The following RIMS1 variants were observed in gnomAD, a reference collection of about 807,000 sequenced individuals.
The protein encoded by RIMS1 is regulating synaptic membrane exocytosis protein 1.
A neutral mutation model predicts 214.1 loss-of-function variants in RIMS1; 83 were observed. The observed-to-expected ratio is 0.39, with a 90% CI of 0.32 to 0.47. The LOEUF (loss-of-function observed/expected upper bound fraction) is 0.47, where lower values mean the gene tolerates loss of function less well. Ranked by LOEUF, RIMS1 falls within the 20% of genes least tolerant of loss-of-function variation. The probability of loss-of-function intolerance (pLI) is 0.99; values close to 1 mark genes in which losing one functional copy is unlikely to be tolerated. For synonymous variants in RIMS1, 793 were observed against 786.8 expected, an observed-to-expected ratio of 1.01 and a Z score of -0.13; for missense variants, 2,050 against 2,161.8, an observed-to-expected ratio of 0.95 and a Z score of 1.03.
rs6924803 is a variant in RIMS1 at position 71,912,025 on chromosome 6, T to C, written c.164+24838T>C. ...CAGTATCAAAAACAATGTTCTGAAA[T>C]TTTTACTGCTTTTCTGTGGATATAA... On this transcript the variant is annotated intron_variant, in intron 1 of 33. Transcript: ENST00000521978. Among the ~76,000 whole-genome samples, 474 of 152,282 alleles carry C rather than the reference T, an allele frequency of 3.1e-3. 2 individuals are homozygous for C. The highest frequency in any genetic ancestry group is 0.011 in the African/African-American group (449 of 41,586).
rs977165488 is a variant in RIMS1, at chr6:72,360,470, G to GT, written c.4366+26637dup. ...AATGCCAAAGGGTCTACAGTACACT[G>GT]TTATTCAATGGATAAATCTATCATT... On this transcript the variant is annotated intron_variant, in intron 29 of 33. Transcript: ENST00000521978. Among the ~76,000 whole-genome samples the GT allele has an allele frequency of 3.9e-5, 6 of 152,204 alleles. No individual in the cohort carries two copies. The South Asian group carries it at 8.3e-4, about 21-fold the overall frequency.
At chr6:72,386,807 C>T (rs1363842626) in intron 29 of RIMS1, among the ~76,000 whole-genome samples, 1 of 146,026 alleles carries the variant, frequency 6.8e-6, no homozygotes, top group Non-Finnish European at 1.5e-5. Flanking sequence ...AATCTCTGCT[C>T]ACTGCAAGCT....
intron 2 of RIMS1, among the ~76,000 whole-genome samples, chr6:72,045,819 A>G (rs1822845089): frequency 6.7e-6 from 1 of 149,782 alleles, no homozygotes; most frequent in African/African-American, 2.4e-5. Context: ...TTTTTTATAT[A>G]TATTCTTTAT....
chr6:71,936,121 C>T (rs1369001220), intron 1 of RIMS1, among the ~76,000 whole-genome samples: 1 of 151,546 alleles, frequency 6.6e-6, no homozygotes, highest in Non-Finnish European at 1.5e-5. Context: ...GAAGCCGAGG[C>T]GGGCGGATCA....
chr6:72,353,976 T>C (rs1229771144), intron 29 of RIMS1, among the ~76,000 whole-genome samples: 2 of 151,874 alleles, frequency 1.3e-5, no homozygotes, highest in African/African-American at 2.4e-5. Context: ...TCCCAGCAAT[T>C]TGGGAGGCCG....
intron 25 of RIMS1, 74 bp downstream of exon 25, chr6:72,290,935 C>T: frequency 1.5e-6 from 2 of 1,372,562 alleles, no homozygotes; most frequent in East Asian, 2.3e-5. Flanking sequence ...CCTTCCTGAG[C>T]ACTTGAAGCT....
At chr6:72,352,569 C>G (rs139114343) in intron 29 of RIMS1, among the ~76,000 whole-genome samples, 15 of 152,220 alleles carry the variant, frequency 9.9e-5, no homozygotes, top group African/African-American at 3.6e-4. Flanking sequence ...TAGTAAAATT[C>G]TATTTATTGT....
At chr6:72,140,490 T>A (rs34444456) in intron 4 of RIMS1, among the ~76,000 whole-genome samples, 2,608 of 152,176 alleles carry the variant, frequency 0.017, 43 homozygotes, top group Non-Finnish European at 0.027. Flanking sequence ...AGAGAAAATG[T>A]CCCTGTCATA....
chr6:72,348,440 T>C (rs955457879), intron 29 of RIMS1, among the ~76,000 whole-genome samples: 6 of 151,916 alleles, frequency 3.9e-5, no homozygotes, highest in African/African-American at 1.4e-4. Context: ...CCCTTTTCCT[T>C]TCTTTCTCTT....
At chr6:71,892,134 A>G (rs541528424) in intron 1 of RIMS1, among the ~76,000 whole-genome samples, 1 of 152,312 alleles carries the variant, frequency 6.6e-6, no homozygotes, top group Admixed American at 6.5e-5. Context: ...ATCCATGTAC[A>G]CTGACCTCAA....
chr6:72,278,986 T>C (rs561375751), intron 23 of RIMS1, among the ~76,000 whole-genome samples: 12 of 152,048 alleles, frequency 7.9e-5, no homozygotes, highest in Non-Finnish European at 1.5e-4. Context: ...AAACATTATG[T>C]AGTAGACTTT....
At chr6:72,033,813 T>G (rs952179347) in intron 2 of RIMS1, among the ~76,000 whole-genome samples, 3 of 152,208 alleles carry the variant, frequency 2.0e-5, no homozygotes, top group Non-Finnish European at 4.4e-5. Flanking sequence ...GGCATGAACA[T>G]TCCTTTCTAC....
chr6:71,936,079 G>A (rs939937849), intron 1 of RIMS1, among the ~76,000 whole-genome samples: 15 of 151,904 alleles, frequency 9.9e-5, no homozygotes, highest in Middle Eastern at 3.5e-3. Context: ...GGCCGGGCGC[G>A]GTGGCTCACG....
chr6:72,064,847 G>A (rs1386287143), intron 2 of RIMS1, among the ~76,000 whole-genome samples: 1 of 152,146 alleles, frequency 6.6e-6, no homozygotes, highest in Non-Finnish European at 1.5e-5. Context: ...TTTGTTTGGG[G>A]TTATGGTTTG....
intron 29 of RIMS1, among the ~76,000 whole-genome samples, chr6:72,345,851 AC>A (rs2097249165): frequency 6.6e-6 from 1 of 151,728 alleles, no homozygotes; most frequent in African/African-American, 2.4e-5. Flanking sequence ...GTTACCATTT[AC>A]TAAGAGGGTG....
chr6:72,088,353 A>T (rs1462682722), intron 2 of RIMS1, among the ~76,000 whole-genome samples: 1 of 151,836 alleles, frequency 6.6e-6, no homozygotes, highest in African/African-American at 2.4e-5. Flanking sequence ...GGTTCAAGCG[A>T]TTCTCCTGCC....
At chr6:72,277,338 TTG>T (rs1264267742) in intron 23 of RIMS1, among the ~76,000 whole-genome samples, 1 of 152,092 alleles carries the variant, frequency 6.6e-6, no homozygotes, top group African/African-American at 2.4e-5. Flanking sequence ...TCCCAGCACT[TTG>T]GGAGGCCGAG....
At chr6:71,981,604 A>C (rs1798496822) in intron 2 of RIMS1, among the ~76,000 whole-genome samples, 1 of 152,192 alleles carries the variant, frequency 6.6e-6, no homozygotes. Context: ...AATGTACAAA[A>C]TTGCCATTGG....
In RIMS1 at chr6:71,899,810, G is replaced by A. The variant is rs192775035; in HGVS notation, c.164+12623G>A. ...TTGGCCCAAGGCCAGGTAATTTATC[G>A]ACTGGCCAAATACTAATGAGAGTGT... On this transcript the variant is annotated intron_variant, in intron 1 of 33. Coordinates refer to ENST00000521978, the MANE Select transcript of RIMS1 (RefSeq NM_014989.7). Among the ~76,000 whole-genome samples, 6 of 152,136 alleles carry A rather than the reference G, an allele frequency of 3.9e-5. 1 individual carries two copies. The highest frequency in any genetic ancestry group is 5.9e-5 in the Non-Finnish European group (4 of 67,976).
Sources: allele counts gnomAD v4.1 joint callset (sites outside exome capture counted in the v4.1 genomes callset), GRCh38; gene constraint gnomAD v4.1.1; transcripts MANE v1.5; gene names NCBI Gene and HGNC (gene_info 2026-07-23, HGNC 2026-07-21).